The following SPIN1 variants were observed in gnomAD, a reference collection of about 807,000 sequenced individuals.
SPIN1 encodes the protein spindlin-1.
SPIN1 carries 3 observed loss-of-function variants against 26.0 expected under a neutral mutation model. That is an observed-to-expected ratio of 0.12 (90% CI 0.05 to 0.30). The LOEUF (loss-of-function observed/expected upper bound fraction) is 0.30. SPIN1 is among the 10% of genes least tolerant of loss of function. The pLI is 1.00. For synonymous variants in SPIN1, 101 were observed against 116.5 expected (o/e 0.87, Z 0.86); for missense variants, 126 against 333.4 (o/e 0.38, Z 4.84).
At chr9:88,424,920 T>A (rs1431742301) in intron 1 of SPIN1, among the ~76,000 whole-genome samples, 2 of 152,118 alleles carry the variant, frequency 1.3e-5, no homozygotes, top group African/African-American at 4.8e-5. Flanking sequence ...AACAAATGAG[T>A]GCTGATGACG....
rs562782565 is a variant in SPIN1 at position 88,453,739 on chromosome 9, A to G, written c.101+4750A>G. Among the ~76,000 whole-genome samples the G allele has an allele frequency of 3.3e-5, 5 of 152,204 alleles. No individual in the cohort carries two copies. In the East Asian group the frequency reaches 7.8e-4, roughly 24 times the overall value. On this transcript the variant is annotated intron_variant, in intron 3 of 5. Transcript: ENST00000375859. ...CGGGGTTTCTCCATGTTGGTCAGGC[A>G]GGTCTCAAACTCCCGACCTCAGGTG...
intron 5 of SPIN1, among the ~76,000 whole-genome samples, chr9:88,471,483 G>A (rs898767785): frequency 1.3e-5 from 2 of 151,470 alleles, no homozygotes; most frequent in African/African-American, 4.9e-5. Context: ...GGCAGCACGG[G>A]GAAACCCTGT....
At chr9:88,457,502 C>T (rs954578848) in intron 3 of SPIN1, among the ~76,000 whole-genome samples, 2 of 151,964 alleles carry the variant, frequency 1.3e-5, no homozygotes, top group Admixed American at 6.6e-5. Flanking sequence ...TATACTCCAG[C>T]CTGGGTGACT....
chr9:88,410,781 A>T (rs1827426060), intron 1 of SPIN1: 1 of 1,094,308 alleles, frequency 9.1e-7, no homozygotes, highest in Admixed American at 1.7e-5. Flanking sequence ...CCCCACTGCC[A>T]CCAAAGCCAC....
chr9:88,435,212 T>TTTTTTTC (rs1310012037), intron 2 of SPIN1, among the ~76,000 whole-genome samples: 1 of 151,984 alleles, frequency 6.6e-6, no homozygotes, highest in Admixed American at 6.6e-5. Flanking sequence ...GCATTCTTTT[T>TTTTTTTC]TTTTTTCTTT....
At chr9:88,448,131 C>T (rs1427959288) in intron 2 of SPIN1, among the ~76,000 whole-genome samples, 1 of 151,780 alleles carries the variant, frequency 6.6e-6, no homozygotes, top group Admixed American at 6.6e-5. Context: ...GCAACCTCCA[C>T]CTCCTGGGTT....
chr9:88,411,000 C>T (rs1042747101), intron 1 of SPIN1: 26 of 1,531,724 alleles, frequency 1.7e-5, no homozygotes, highest in East Asian at 9.0e-5. Context: ...GAGTTGTGGT[C>T]GTCAAAGGTT....
intron 1 of SPIN1, among the ~76,000 whole-genome samples, chr9:88,402,958 A>G (rs896976163): frequency 1.3e-5 from 2 of 152,094 alleles, no homozygotes; most frequent in African/African-American, 4.8e-5. Context: ...CATCCTTGCC[A>G]TCTTCTGTTG....
At chr9:88,449,264 G>A (rs1828311779) in intron 3 of SPIN1, among the ~76,000 whole-genome samples, 1 of 151,966 alleles carries the variant, frequency 6.6e-6, no homozygotes, top group Admixed American at 6.6e-5. Context: ...TGTGGCAGGT[G>A]CATGGTGAAC....
chr9:88,390,461 T>C (rs922974781), intron 1 of SPIN1, among the ~76,000 whole-genome samples: 4 of 152,254 alleles, frequency 2.6e-5, no homozygotes, highest in African/African-American at 9.6e-5. Flanking sequence ...ACTTACCTGA[T>C]TGCACATAGT....
At chr9:88,474,195 C>A (rs1316621064) in intron 5 of SPIN1, among the ~76,000 whole-genome samples, 1 of 152,212 alleles carries the variant, frequency 6.6e-6, no homozygotes, top group Non-Finnish European at 1.5e-5. Context: ...CTGAAGGCCA[C>A]CTGCTACTAC....
chr9:88,469,047 C>G (rs1023784302), intron 5 of SPIN1, among the ~76,000 whole-genome samples: 68 of 152,188 alleles, frequency 4.5e-4, no homozygotes, highest in African/African-American at 1.6e-3. Flanking sequence ...ACTTGAACTT[C>G]AGAGCAGCGA....
intron 1 of SPIN1, among the ~76,000 whole-genome samples, chr9:88,419,998 C>T (rs1036687000): frequency 2.6e-5 from 4 of 152,218 alleles, no homozygotes; most frequent in African/African-American, 7.2e-5. Context: ...TCCTTCCTTA[C>T]AAGGAAAGTA....
At chr9:88,464,897 C>G (rs1339128614) in intron 4 of SPIN1, among the ~76,000 whole-genome samples, 1 of 152,162 alleles carries the variant, frequency 6.6e-6, no homozygotes, top group East Asian at 1.9e-4. Flanking sequence ...ACCTATTAAA[C>G]AAAACAACCT....
chr9:88,410,037 C>CTTA (rs1016537604), intron 1 of SPIN1, among the ~76,000 whole-genome samples: 2 of 152,040 alleles, frequency 1.3e-5, no homozygotes, highest in Admixed American at 1.3e-4. Flanking sequence ...TCAGCTGGTC[C>CTTA]TTAACACTTG....
intron 3 of SPIN1, among the ~76,000 whole-genome samples, chr9:88,449,690 A>G (rs569782574): frequency 2.5e-4 from 38 of 152,304 alleles, no homozygotes; most frequent in Admixed American, 2.4e-3. Context: ...AGATTTCACA[A>G]CTATCTATCC....
chr9:88,394,246 A>G (rs1418134908), intron 1 of SPIN1, among the ~76,000 whole-genome samples: 2 of 152,202 alleles, frequency 1.3e-5, no homozygotes, highest in Admixed American at 1.3e-4. Flanking sequence ...TTCCTTTGAC[A>G]TGACACGTAA....
chr9:88,454,322 T>G (rs1269568340), intron 3 of SPIN1, among the ~76,000 whole-genome samples: 5 of 152,226 alleles, frequency 3.3e-5, no homozygotes, highest in Non-Finnish European at 7.3e-5. Context: ...TAAATCACAT[T>G]TAAGTTGCTA....
intron 1 of SPIN1, chr9:88,410,915 T>C: frequency 9.4e-7 from 1 of 1,059,472 alleles, no homozygotes; most frequent in Non-Finnish European, 1.5e-6. Flanking sequence ...CATCTCTTGC[T>C]TTGACAGGGC....
Sources: gnomAD v4.1 joint callset for allele counts (sites outside exome capture counted in the v4.1 genomes callset) on GRCh38, gnomAD v4.1.1 for gene constraint, MANE v1.5 for transcripts, NCBI Gene and HGNC (gene_info 2026-07-23, HGNC 2026-07-21) for gene names.